DLGAP1: variants seen among roughly 807,000 people sequenced by gnomAD.
DLGAP1 encodes DLG associated protein 1.
Under a neutral mutation model 90.8 loss-of-function variants are expected in DLGAP1, and 11 were observed. The ratio of observed to expected loss-of-function variants is 0.12; its 90% CI spans 0.08 to 0.20. The LOEUF (loss-of-function observed/expected upper bound fraction) is 0.20, where lower values mean the gene tolerates loss of function less well. Among genes scored for constraint, DLGAP1 ranks in the 10% least tolerant of loss-of-function variants. DLGAP1 has a pLI of 1.00. For missense variants in DLGAP1, 1,050 were observed against 1,333.8 expected, an observed-to-expected ratio of 0.79 and a Z score of 3.31; for synonymous variants, 558 against 540.7, an observed-to-expected ratio of 1.03 and a Z score of -0.44.
chr18:4,275,843 G>T (rs1230539089), intron 1 of DLGAP1, among the ~76,000 whole-genome samples: 2 of 152,054 alleles, frequency 1.3e-5, no homozygotes, highest in African/African-American at 4.8e-5. Context: ...TTATTCTGAA[G>T]AAATAAAGTC....
chr18:3,845,482 C>G, intron 4 of DLGAP1: 1 of 1,295,218 alleles, frequency 7.7e-7, no homozygotes, highest in East Asian at 2.8e-5. Flanking sequence ...AAATAAAACC[C>G]TATAGCTGAA....
chr18:4,448,381 T>C (rs760059212), intron 1 of DLGAP1, among the ~76,000 whole-genome samples: 10 of 152,184 alleles, frequency 6.6e-5, no homozygotes, highest in Non-Finnish European at 1.5e-4. Context: ...CAGGAGATGT[T>C]ACAAATATTT....
chr18:4,224,423 C>G (rs2144996816), intron 1 of DLGAP1, among the ~76,000 whole-genome samples: 1 of 152,278 alleles, frequency 6.6e-6, no homozygotes, highest in East Asian at 1.9e-4. Context: ...AGGCTAAGCT[C>G]TTGGACAGCA....
At chr18:4,385,806 T>C (rs137954353) in intron 1 of DLGAP1, among the ~76,000 whole-genome samples, 7 of 152,314 alleles carry the variant, frequency 4.6e-5, no homozygotes, top group African/African-American at 1.7e-4. Flanking sequence ...AATAATTTCA[T>C]AGTAGTGGTG....
chr18:3,741,097 C>CCACAT (rs2062943040), intron 6 of DLGAP1, among the ~76,000 whole-genome samples: 1 of 130,662 alleles, frequency 7.7e-6, no homozygotes, highest in African/African-American at 3.1e-5. Flanking sequence ...ATCACCACCA[C>CCACAT]CACCATCACC....
chr18:4,245,527 G>C (rs899013218), intron 1 of DLGAP1, among the ~76,000 whole-genome samples: 1 of 152,142 alleles, frequency 6.6e-6, no homozygotes, highest in Non-Finnish European at 1.5e-5. Flanking sequence ...TCCCTCAAAA[G>C]TATTAATCTT....
chr18:4,069,725 C>G (rs938722001), intron 2 of DLGAP1, among the ~76,000 whole-genome samples: 8 of 152,158 alleles, frequency 5.3e-5, no homozygotes, highest in Admixed American at 3.9e-4. Flanking sequence ...GTTTGCAGAA[C>G]GTGAGCCAAT....
At chr18:3,656,606 C>T (rs1431264660) in intron 7 of DLGAP1, among the ~76,000 whole-genome samples, 6 of 152,116 alleles carry the variant, frequency 3.9e-5, no homozygotes, top group East Asian at 1.9e-4. Flanking sequence ...GGCCAGAGCC[C>T]TTTTCTTGGT....
rs992899318 is a variant in DLGAP1 at position 4,286,393 on chromosome 18, T to TA, written c.-266-135107_-266-135106insT. ...AGCCTAGAATGTTCAAGATTTGGGGTCCCTCAGGGCACAAGCAGTGAAAAG... is the reference window on the plus strand; with the variant it reads ...AGCCTAGAATGTTCAAGATTTGGGGTACCCTCAGGGCACAAGCAGTGAAAAG... On this transcript the variant is annotated intron_variant, in intron 1 of 12. Coordinates refer to ENST00000315677, the MANE Select transcript of DLGAP1 (RefSeq NM_004746.4). 6.6e-5 allele frequency among the ~76,000 whole-genome samples: 10 copies of TA among 152,022 alleles called. 1 individual carries two copies. The highest frequency in any genetic ancestry group is 2.4e-4 in the African/African-American group (10 of 41,466).
chr18:4,373,024 A>C (rs2081949051), intron 1 of DLGAP1, among the ~76,000 whole-genome samples: 1 of 152,182 alleles, frequency 6.6e-6, no homozygotes, highest in Non-Finnish European at 1.5e-5. Flanking sequence ...CAGCTGAGGC[A>C]CTGGGGGTGC....
chr18:4,110,949 T>G (rs1598418374), intron 2 of DLGAP1, among the ~76,000 whole-genome samples: 1 of 152,248 alleles, frequency 6.6e-6, no homozygotes, highest in East Asian at 1.9e-4. Flanking sequence ...CTTCCAAAAG[T>G]CCTATCGACT....
intron 7 of DLGAP1, chr18:3,607,231 T>C (rs2057367003): frequency 6.6e-6 from 1 of 152,138 alleles, no homozygotes; most frequent in Non-Finnish European, 1.5e-5. Flanking sequence ...CAGGATCTTG[T>C]TCTGTTACCC....
At chr18:3,647,622 C>T (rs755111660) in intron 7 of DLGAP1, among the ~76,000 whole-genome samples, 10 of 152,034 alleles carry the variant, frequency 6.6e-5, no homozygotes, top group African/African-American at 7.2e-5. Context: ...TGTGCCACCA[C>T]GCCTGGCTAA....
intron 5 of DLGAP1, among the ~76,000 whole-genome samples, chr18:3,803,194 C>G (rs1021491621): frequency 2.6e-5 from 4 of 152,074 alleles, no homozygotes; most frequent in Non-Finnish European, 5.9e-5. Context: ...ACGACTGGAC[C>G]CCCCCTAGCA....
chr18:4,218,663 T>C lies in DLGAP1; in HGVS notation c.-266-67376A>G, dbSNP rs545942480. Among the ~76,000 whole-genome samples the C allele has an allele frequency of 4.6e-5, 7 of 152,118 alleles. No homozygotes were observed. The South Asian group carries it at 1.0e-3, about 22-fold the overall frequency. On this transcript the variant is annotated intron_variant, in intron 1 of 12. Transcript: ENST00000315677. ...TTCTGATAGTCATCATTCTACTCTA[T>C]ACGTCTATGAATTCAACTTTTTAAG...
chr18:3,657,589 G>A (rs543172335), intron 7 of DLGAP1, among the ~76,000 whole-genome samples: 7 of 151,282 alleles, frequency 4.6e-5, no homozygotes, highest in African/African-American at 1.7e-4. Context: ...TAGTGAATTG[G>A]TTCCCATGGA....
chr18:3,563,573 A>G (rs1358048135), intron 9 of DLGAP1, among the ~76,000 whole-genome samples: 3 of 151,816 alleles, frequency 2.0e-5, no homozygotes, highest in African/African-American at 7.3e-5. Context: ...AAGTTCAAGC[A>G]ATTCTCCTAC....
chr18:4,353,940 C>T (rs569660471), intron 1 of DLGAP1, among the ~76,000 whole-genome samples: 4 of 152,106 alleles, frequency 2.6e-5, no homozygotes, highest in South Asian at 4.2e-4. Context: ...TAAATTTAAC[C>T]GTAGAAGCTG....
In DLGAP1 at chr18:4,200,229, TC is replaced by T. The variant is rs201800012; in HGVS notation, c.-266-48943del. On this transcript the variant is annotated intron_variant, in intron 1 of 12. Transcript: ENST00000315677. Reference sequence around the variant, plus strand: ...TTTTATTAGGATTTTAACAAATCTGTCAAATTATACAGAATTAAAATATCTA... The same window carrying T: ...TTTTATTAGGATTTTAACAAATCTGTAAATTATACAGAATTAAAATATCTA... 4.9e-3 allele frequency among the ~76,000 whole-genome samples: 743 copies of T among 152,214 alleles called. 11 individuals carry two copies. The highest frequency in any genetic ancestry group is 0.017 in the African/African-American group (710 of 41,570).
Sources: allele counts gnomAD v4.1 joint callset (sites outside exome capture counted in the v4.1 genomes callset), GRCh38; gene constraint gnomAD v4.1.1; transcripts MANE v1.5; gene names NCBI Gene and HGNC (gene_info 2026-07-23, HGNC 2026-07-21).